Variants in ELOVL6 observed in about 807,000 individuals in gnomAD.
The protein encoded by ELOVL6 is ELOVL fatty acid elongase 6.
Under a neutral mutation model 31.7 loss-of-function variants are expected in ELOVL6, and 8 were observed. That is an observed-to-expected ratio of 0.25 (90% confidence interval 0.15 to 0.45). The LOEUF (loss-of-function observed/expected upper bound fraction) is 0.45, where lower values mean the gene tolerates loss of function less well. Ranked by LOEUF, ELOVL6 falls within the 20% of genes least tolerant of loss-of-function variation. The pLI, the probability that ELOVL6 is intolerant of heterozygous loss-of-function variation, is 1.00. For missense variants in ELOVL6, 126 were observed against 326.4 expected (o/e 0.39, Z 4.73); for synonymous variants, 101 against 117.7 (o/e 0.86, Z 0.92).
At chr4:110,102,385 G>A (rs2126244969) in intron 2 of ELOVL6, among the ~76,000 whole-genome samples, 1 of 152,292 alleles carries the variant, frequency 6.6e-6, no homozygotes, top group South Asian at 2.1e-4. Flanking sequence ...CCAACACTGG[G>A]AATTTGGATT....
At chr4:110,082,823 A>G (rs1278275998) in intron 2 of ELOVL6, among the ~76,000 whole-genome samples, 1 of 152,244 alleles carries the variant, frequency 6.6e-6, no homozygotes. Context: ...CAAGGGACGC[A>G]TGACTGTGTA....
At chr4:110,134,295 C>T (rs1320527548) in intron 1 of ELOVL6, among the ~76,000 whole-genome samples, 1 of 152,110 alleles carries the variant, frequency 6.6e-6, no homozygotes, top group African/African-American at 2.4e-5. Flanking sequence ...TTCTGATCCC[C>T]AGGATATGGT....
At chr4:110,131,218 G>A (rs1306287800) in intron 1 of ELOVL6, among the ~76,000 whole-genome samples, 1 of 152,128 alleles carries the variant, frequency 6.6e-6, no homozygotes, top group East Asian at 1.9e-4. Flanking sequence ...CAGAGAGGTG[G>A]GACACCTTTC....
chr4:110,090,691 G>A (rs1336832541), intron 2 of ELOVL6, among the ~76,000 whole-genome samples: 4 of 136,888 alleles, frequency 2.9e-5, no homozygotes, highest in Non-Finnish European at 3.0e-5. Flanking sequence ...TGAAACCTCC[G>A]CCACCTGGGT....
chr4:110,195,990 G>A (rs1422326095), intron 1 of ELOVL6, among the ~76,000 whole-genome samples: 1 of 152,206 alleles, frequency 6.6e-6, no homozygotes, highest in African/African-American at 2.4e-5. Flanking sequence ...AACAGGAGTA[G>A]ATACGTTGGC....
rs191467658 is a variant in ELOVL6 at position 110,046,337 on chromosome 4, A to G, written c.*5001T>C. Reference sequence around the variant, plus strand: ...AGTTACTTCAGAAGAGGTTACTACAATGCAGTGTTGGTTTGGACGTCTAGT... The same window carrying G: ...AGTTACTTCAGAAGAGGTTACTACAGTGCAGTGTTGGTTTGGACGTCTAGT... On this transcript the variant is annotated 3_prime_UTR_variant, in exon 4 of 4. Coordinates refer to ENST00000302274, the MANE Select transcript of ELOVL6 (RefSeq NM_024090.3). The G allele has an allele frequency of 2.0e-5, 3 of 152,306 alleles. 1 individual carries two copies. In the East Asian group the frequency reaches 5.8e-4, roughly 29 times the overall value. 9.4% of individuals were successfully genotyped at this position (152,306 alleles called of 1,614,324 possible).
rs1491405140 is a variant in ELOVL6, at chr4:110,084,120, A to ATC, written c.221+21376_221+21377insGA. 4.8e-5 allele frequency among the ~76,000 whole-genome samples: 4 copies of ATC among 83,126 alleles called. 1 individual carries two copies. The highest frequency in any genetic ancestry group is 7.2e-4 in the South Asian group (2 of 2,784). 54.5% of individuals were successfully genotyped at this position (83,126 alleles called of 152,430 possible). On this transcript the variant is annotated intron_variant, in intron 2 of 3. Transcript: ENST00000302274. ...TATATATGATATATATGATATATAT[A>ATC]ACATATATGTGATAATGATATATAT...
chr4:110,089,091 ACTTT>A (rs1026698466), intron 2 of ELOVL6, among the ~76,000 whole-genome samples: 2 of 152,130 alleles, frequency 1.3e-5, no homozygotes, highest in African/African-American at 4.8e-5. Flanking sequence ...TGTGTTATTT[ACTTT>A]CTTTCTCTTT....
chr4:110,181,440 C>A (rs556199848), intron 1 of ELOVL6, among the ~76,000 whole-genome samples: 2 of 152,048 alleles, frequency 1.3e-5, no homozygotes, highest in African/African-American at 2.4e-5. Context: ...TAGAGTGAGA[C>A]CCTGTCTAAA....
At chr4:110,090,862 C>T (rs996625322) in intron 2 of ELOVL6, among the ~76,000 whole-genome samples, 1 of 152,100 alleles carries the variant, frequency 6.6e-6, no homozygotes, top group Admixed American at 6.6e-5. Flanking sequence ...CTCGGCCTCC[C>T]AAAGTGCTAG....
intron 2 of ELOVL6, among the ~76,000 whole-genome samples, chr4:110,084,196 A>ATATGATATATATATCATATAACT (rs1419153316): frequency 9.9e-6 from 1 of 100,828 alleles, no homozygotes; most frequent in East Asian, 3.0e-4. Context: ...CATATAACTT[A>ATATGATATATATATCATATAACT]TATGATATAT....
At chr4:110,187,992 A>G (rs1759498420) in intron 1 of ELOVL6, among the ~76,000 whole-genome samples, 1 of 152,232 alleles carries the variant, frequency 6.6e-6, no homozygotes, top group Non-Finnish European at 1.5e-5. Flanking sequence ...AGCTACTAAA[A>G]TGAAACAAAA....
chr4:110,128,943 G>A (rs1168653157), intron 1 of ELOVL6, among the ~76,000 whole-genome samples: 1 of 152,198 alleles, frequency 6.6e-6, no homozygotes, highest in East Asian at 1.9e-4. Context: ...GGATAGATAA[G>A]TAGGTAACTG....
At chr4:110,087,671 A>G (rs935732646) in intron 2 of ELOVL6, among the ~76,000 whole-genome samples, 1 of 152,166 alleles carries the variant, frequency 6.6e-6, no homozygotes, top group African/African-American at 2.4e-5. Context: ...CACAGTAGAG[A>G]CACTGGCCCT....
intron 1 of ELOVL6, among the ~76,000 whole-genome samples, chr4:110,116,484 TC>T (rs964435322): frequency 2.0e-5 from 3 of 152,208 alleles, no homozygotes; most frequent in African/African-American, 7.2e-5. Context: ...AATATCAGCA[TC>T]TGAACTCTTA....
At chr4:110,198,159 A>C (rs1330043611) in intron 1 of ELOVL6, 88 bp downstream of exon 1, 6 of 687,482 alleles carry the variant, frequency 8.7e-6, no homozygotes, top group Non-Finnish European at 1.3e-5. Context: ...CGCTCCATTC[A>C]CGCCCAGGCA....
intron 1 of ELOVL6, among the ~76,000 whole-genome samples, chr4:110,108,557 T>C (rs577151812): frequency 6.6e-6 from 1 of 152,274 alleles, no homozygotes; most frequent in African/African-American, 2.4e-5. Flanking sequence ...TACAGAATCA[T>C]AGAACTTGAT....
intron 2 of ELOVL6, among the ~76,000 whole-genome samples, chr4:110,102,928 C>T (rs893260809): frequency 3.6e-3 from 7 of 1,922 alleles, no homozygotes; most frequent in African/African-American, 0.011. Flanking sequence ...GGATGGGGGA[C>T]GGGGGGCGGG....
At chr4:110,195,704 T>C (rs1759753488) in intron 1 of ELOVL6, among the ~76,000 whole-genome samples, 2 of 152,092 alleles carry the variant, frequency 1.3e-5, no homozygotes, top group Admixed American at 6.5e-5. Context: ...TGCCACGGTA[T>C]GCAAGTTCTA....
Sources: gnomAD v4.1 joint callset for allele counts (sites outside exome capture counted in the v4.1 genomes callset) on GRCh38, gnomAD v4.1.1 for gene constraint, MANE v1.5 for transcripts, NCBI Gene and HGNC (gene_info 2026-07-23, HGNC 2026-07-21) for gene names.